Variants in MTMR3 observed in about 807,000 individuals in gnomAD.
MTMR3 encodes phosphatidylinositol-3,5-bisphosphate 3-phosphatase MTMR3.
In MTMR3, 32 loss-of-function variants were observed where a neutral mutation model predicts 132.4. The observed-to-expected ratio is 0.24, with a 90% confidence interval of 0.18 to 0.32. The LOEUF (loss-of-function observed/expected upper bound fraction) is 0.32, where lower values mean the gene tolerates loss of function less well. MTMR3 is among the 10% of genes least tolerant of loss of function. The probability of loss-of-function intolerance (pLI) is 1.00; values close to 1 mark genes in which losing one functional copy is unlikely to be tolerated. For missense variants in MTMR3, 1,216 were observed against 1,489.6 expected (o/e 0.82, Z 3.02); for synonymous variants, 556 against 550.3 (o/e 1.01, Z -0.14).
At chr22:30,010,928 T>A (rs914455136) in intron 12 of MTMR3, 1 of 152,202 alleles carries the variant, frequency 6.6e-6, no homozygotes, top group Non-Finnish European at 1.5e-5. Context: ...CTCCCTACTG[T>A]ATGCTAGGCA....
chr22:29,900,083 C>T (rs1243223694), intron 1 of MTMR3, among the ~76,000 whole-genome samples: 1 of 152,060 alleles, frequency 6.6e-6, no homozygotes, highest in African/African-American at 2.4e-5. Context: ...CAGAAGAGTG[C>T]ACAAATCAAA....
At chr22:29,934,825 G>C (rs1439550792) in intron 1 of MTMR3, among the ~76,000 whole-genome samples, 1 of 152,204 alleles carries the variant, frequency 6.6e-6, no homozygotes, top group Non-Finnish European at 1.5e-5. Flanking sequence ...GATTGAATAA[G>C]ATAGTGCGTA....
rs761012531 is a variant in MTMR3, at chr22:30,020,320, A to C, written c.2661A>C (p.Thr887=). Residue 887 remains threonine, a synonymous_variant, in exon 17 of 20, where the codon ACA becomes ACC. Coordinates refer to ENST00000401950, the MANE Select transcript of MTMR3 (RefSeq NM_021090.4). ...PQTMEPSPSE[T]SLVERPQVGS... ...CCATGGAACCCAGCCCTTCAGAGACAAGCCTGGTCGAGAGGCCCCAAGTGG... is the reference window on the plus strand; with the variant it reads ...CCATGGAACCCAGCCCTTCAGAGACCAGCCTGGTCGAGAGGCCCCAAGTGG... 3.1e-6 allele frequency: 5 copies of C among 1,614,178 alleles called. No homozygotes were observed. Among genetic ancestry groups the C allele is most frequent in the Non-Finnish European group, 3.4e-6 (4 of 1,180,022 alleles).
At chr22:29,909,920 C>G (rs2065175374) in intron 1 of MTMR3, among the ~76,000 whole-genome samples, 1 of 150,116 alleles carries the variant, frequency 6.7e-6, no homozygotes, top group Non-Finnish European at 1.5e-5. Context: ...CTTTGGGAGG[C>G]CGAGGCGGGC....
rs1432111074 is a variant in MTMR3 at position 30,016,630 on chromosome 22, G to T, written c.1606G>T (p.Val536Leu). The T allele has an allele frequency of 1.9e-6, 3 of 1,614,068 alleles. No homozygotes were observed. Among genetic ancestry groups the T allele is most frequent in the African/African-American group, 2.7e-5 (2 of 74,924 alleles). The change falls in exon 15 of 20, where the codon GTG becomes TTG. Residue 536 changes from valine to leucine, a missense_variant. By Grantham distance (32) the Val-to-Leu change is conservative. Around this residue, in one of 7 missense-constraint regions of MTMR3, gnomAD observed 852 missense variants for 852.0 expected, o/e 1.00. Transcript: ENST00000401950. The stretch of plus-strand genomic sequence containing the variant: ...GCATACTCAGGAACGGACATGTTCC[G>T]TGTGGTCACTTCTTCGGGCAGGCAA... ...EKHTQERTCS[V>L]WSLLRAGNKA...
chr22:29,932,917 C>CT (rs2065673681), intron 1 of MTMR3, among the ~76,000 whole-genome samples: 1 of 152,120 alleles, frequency 6.6e-6, no homozygotes, highest in Non-Finnish European at 1.5e-5. Flanking sequence ...GTTGGAAGCA[C>CT]TGTGCCCCTT....
chr22:29,908,111 T>G (rs1247063674), intron 1 of MTMR3, among the ~76,000 whole-genome samples: 1 of 152,202 alleles, frequency 6.6e-6, no homozygotes, highest in Non-Finnish European at 1.5e-5. Flanking sequence ...AAGATTTTTT[T>G]TCCTAACAAC....
chr22:29,962,910 C>CT (rs892383539), intron 2 of MTMR3, among the ~76,000 whole-genome samples: 31,978 of 133,542 alleles, frequency 0.24, 4,135 homozygotes, highest in African/African-American at 0.28. Context: ...TCTCTTTTTT[C>CT]TTTTTTTTTT....
At chr22:29,954,353 G>A (rs774773808) in intron 1 of MTMR3, among the ~76,000 whole-genome samples, 1 of 152,042 alleles carries the variant, frequency 6.6e-6, no homozygotes, top group African/African-American at 2.4e-5. Context: ...GCCTCCCAGA[G>A]TGCTAAGATT....
intron 14 of MTMR3, 158 bp downstream of exon 14, chr22:30,013,699 A>G (rs369508731): frequency 3.3e-5 from 24 of 724,378 alleles, no homozygotes; most frequent in Non-Finnish European, 4.4e-5. Flanking sequence ...TAATTTTGCT[A>G]TTTTCAAAAA....
chr22:29,946,021 T>TTGTGTGTGTGTGTGTG (rs57792760), intron 1 of MTMR3, among the ~76,000 whole-genome samples: 78 of 150,892 alleles, frequency 5.2e-4, no homozygotes, highest in African/African-American at 1.8e-3. Context: ...GTGTATATAT[T>TTGTGTGTGTGTGTGTG]TGTGTGTGTG....
chr22:29,926,957 T>C (rs1218068057), intron 1 of MTMR3, among the ~76,000 whole-genome samples: 1 of 152,228 alleles, frequency 6.6e-6, no homozygotes, highest in Admixed American at 6.5e-5. Flanking sequence ...TATAGAAGTT[T>C]AATAGTTTTT....
At chr22:29,974,094 A>G (rs1194876350) in intron 3 of MTMR3, among the ~76,000 whole-genome samples, 2 of 152,182 alleles carry the variant, frequency 1.3e-5, no homozygotes, top group East Asian at 3.8e-4. Context: ...GCCAGATGCC[A>G]CAATGCCTGG....
At chr22:29,952,546 C>A (rs2066104704) in intron 1 of MTMR3, among the ~76,000 whole-genome samples, 1 of 151,998 alleles carries the variant, frequency 6.6e-6, no homozygotes. Context: ...AGCGTTGAGC[C>A]CTGTGAGGAT....
chr22:30,013,568 C>A (rs1226292274), intron 14 of MTMR3, 27 bp downstream of exon 14: 6 of 1,607,474 alleles, frequency 3.7e-6, no homozygotes, highest in South Asian at 1.1e-5. Flanking sequence ...TGGGGACTTT[C>A]TCAATTTGAA....
chr22:30,009,043 G>A lies in MTMR3; in HGVS notation c.1035G>A (p.Val345=). 1.9e-6 allele frequency: 3 copies of A among 1,612,536 alleles called. No homozygotes were observed. The highest frequency in any genetic ancestry group is 2.5e-6 in the Non-Finnish European group (3 of 1,178,578). ...AGTATTACCCAAACTGTGAAGTTGTGTTTATGGGGATGGCAAACATTCATT... is the reference window on the plus strand; with the variant it reads ...AGTATTACCCAAACTGTGAAGTTGTATTTATGGGGATGGCAAACATTCATT... ...CPEYYPNCEV[V]FMGMANIHSI... is the part of the protein sequence containing the mutation. Residue 345 remains valine (V), a synonymous_variant, in exon 12 of 20, where the codon GTG becomes GTA. Transcript: ENST00000401950.
At chr22:29,933,148 TTAGTA>T (rs1221242335) in intron 1 of MTMR3, among the ~76,000 whole-genome samples, 1 of 152,028 alleles carries the variant, frequency 6.6e-6, no homozygotes, top group Admixed American at 6.6e-5. Flanking sequence ...TTTTGTATTT[TTAGTA>T]GAGATGGGGT....
At chr22:29,923,559 G>A (rs983818029) in intron 1 of MTMR3, among the ~76,000 whole-genome samples, 4 of 152,072 alleles carry the variant, frequency 2.6e-5, no homozygotes, top group African/African-American at 9.7e-5. Context: ...TGCTTCTTTG[G>A]AACAATGTCT....
intron 5 of MTMR3, chr22:29,982,933 TTGTTTGTGTGTG>T (rs1407061251): frequency 1.3e-4 from 14 of 108,486 alleles, no homozygotes; most frequent in Middle Eastern, 4.1e-3. Flanking sequence ...GTTTAAAAGT[TTGTTTGTGTGTG>T]TGTGTGTGTG....
Sources: gnomAD v4.1 joint callset for allele counts (sites outside exome capture counted in the v4.1 genomes callset) on GRCh38, gnomAD v4.1.1 for gene constraint, gnomAD v4.1.1 regional missense constraint, MANE v1.5 for transcripts, NCBI Gene and HGNC (gene_info 2026-07-23, HGNC 2026-07-21) for gene names.